The following ZNF664 variants were observed in gnomAD, a reference collection of about 807,000 sequenced individuals.
ZNF664 encodes zinc finger protein 664, also known as zinc finger Organ of Corti 1.
A neutral mutation model predicts 18.2 loss-of-function variants in ZNF664; 10 were observed. The observed-to-expected ratio is 0.55, with a 90% CI of 0.34 to 0.93. The LOEUF (loss-of-function observed/expected upper bound fraction) is 0.93, where lower values mean the gene tolerates loss of function less well. ZNF664 is among the 40% of genes least tolerant of loss of function. ZNF664 has a pLI of 0.02. For synonymous variants in ZNF664, 119 were observed against 104.2 expected, an observed-to-expected ratio of 1.14 and a Z score of -0.86; for missense variants, 193 against 319.0, an observed-to-expected ratio of 0.61 and a Z score of 3.01.
chr12:123,999,542 T>C (rs1276285552), intron 3 of ZNF664, among the ~76,000 whole-genome samples: 1 of 152,246 alleles, frequency 6.6e-6, no homozygotes, highest in African/African-American at 2.4e-5. Context: ...TTCACTTGAC[T>C]TTTATGACAA....
intron 2 of ZNF664, 57 bp downstream of exon 2, chr12:123,974,077 C>T (rs1378928269): frequency 5.2e-5 from 59 of 1,142,288 alleles, no homozygotes; most frequent in Non-Finnish European, 6.3e-5. Context: ...CGCAGGCGTT[C>T]TCACCCCTTC....
At chr12:123,984,398 A>C (rs1333782421) in intron 2 of ZNF664, among the ~76,000 whole-genome samples, 1 of 152,136 alleles carries the variant, frequency 6.6e-6, no homozygotes, top group Non-Finnish European at 1.5e-5. Flanking sequence ...GGATTGAGGC[A>C]TGAGTGGGAA....
intron 2 of ZNF664, 54 bp from the exon 3 acceptor site, chr12:123,987,989 T>A (rs1956844481): frequency 8.1e-7 from 1 of 1,230,748 alleles, no homozygotes. Flanking sequence ...CATTTTGTGA[T>A]CCTAAATTCT....
chr12:124,001,840 G>A (rs1957016373), intron 3 of ZNF664, among the ~76,000 whole-genome samples: 1 of 152,232 alleles, frequency 6.6e-6, no homozygotes, highest in African/African-American at 2.4e-5. Context: ...TAGACACTCA[G>A]TAAACATTTG....
intron 3 of ZNF664, among the ~76,000 whole-genome samples, chr12:123,997,239 C>T (rs180890556): frequency 1.3e-5 from 2 of 152,152 alleles, no homozygotes; most frequent in African/African-American, 2.4e-5. Context: ...ATAAACAATG[C>T]CCCTTGTGTA....
chr12:124,001,556 C>T (rs773408413), intron 3 of ZNF664, among the ~76,000 whole-genome samples: 2 of 152,158 alleles, frequency 1.3e-5, no homozygotes, highest in Admixed American at 6.5e-5. Flanking sequence ...TTCTCTTCAC[C>T]CTGCAGAGGC....
At chr12:124,007,520 T>C (rs573461052) in intron 3 of ZNF664, among the ~76,000 whole-genome samples, 2 of 152,332 alleles carry the variant, frequency 1.3e-5, no homozygotes, top group East Asian at 3.9e-4. Flanking sequence ...TGCCTTTGCC[T>C]GCTGTCCAGA....
At chr12:123,985,034 T>G (rs1374728264) in intron 2 of ZNF664, among the ~76,000 whole-genome samples, 2 of 151,844 alleles carry the variant, frequency 1.3e-5, no homozygotes, top group Non-Finnish European at 2.9e-5. Context: ...CCCCAAGATT[T>G]GACTCTGAGA....
chr12:123,998,328 C>G (rs1411764046), intron 3 of ZNF664: 1 of 152,250 alleles, frequency 6.6e-6, no homozygotes. Flanking sequence ...CTGTAAGTCT[C>G]TGTTGGTCTT....
At chr12:124,009,885 CTTTTT>C (rs11337740) in intron 3 of ZNF664, among the ~76,000 whole-genome samples, 5 of 143,764 alleles carry the variant, frequency 3.5e-5, no homozygotes, top group Admixed American at 7.0e-5. Flanking sequence ...TATTGTGTAC[CTTTTT>C]TTTTTTTTTT....
At position 124,012,247 on chromosome 12, in the gene ZNF664, A is replaced by C; in HGVS notation, c.103A>C (p.Lys35Gln). The C allele has an allele frequency of 6.2e-7, 1 of 1,614,240 alleles. No individual in the cohort carries two copies. The highest frequency in any genetic ancestry group is 1.3e-5 in the African/African-American group (1 of 75,066). Residue 35 changes from lysine to glutamine, a missense_variant, in exon 5 of 5, where the codon AAG becomes CAG. By Grantham distance (53) the Lys-to-Gln change is moderately conservative. This residue lies in a region of ZNF664 where 90 missense variants were observed against 118.9 expected (regional missense o/e 0.76). Transcript: ENST00000337815. ...HTAEKPHKCD[K>Q]CDKGFFHISE... ...AGCTGAGAAGCCCCATAAATGTGAC[A>C]AGTGTGATAAGGGTTTCTTTCATAT...
At chr12:124,006,512 G>T (rs1482692990) in intron 3 of ZNF664, among the ~76,000 whole-genome samples, 1 of 152,184 alleles carries the variant, frequency 6.6e-6, no homozygotes, top group Non-Finnish European at 1.5e-5. Context: ...CTCAGTTTTT[G>T]ACTTCCTTGA....
At chr12:123,989,825 CCTGGCCCTCT>C (rs1350449978) in intron 3 of ZNF664, among the ~76,000 whole-genome samples, 3 of 152,180 alleles carry the variant, frequency 2.0e-5, no homozygotes, top group African/African-American at 7.2e-5. Flanking sequence ...GTGACCATTC[CCTGGCCCTCT>C]CTGAGAGTAT....
At chr12:123,977,570 G>C (rs1194299113) in intron 2 of ZNF664, among the ~76,000 whole-genome samples, 1 of 152,010 alleles carries the variant, frequency 6.6e-6, no homozygotes, top group Non-Finnish European at 1.5e-5. Context: ...TGCACTCTGT[G>C]GAGGAGACCA....
At chr12:124,009,387 C>T (rs905019125) in intron 3 of ZNF664, among the ~76,000 whole-genome samples, 3 of 152,156 alleles carry the variant, frequency 2.0e-5, no homozygotes, top group Non-Finnish European at 2.9e-5. Context: ...TTTCCAGAGT[C>T]ATGTAACAGT....
At chr12:123,974,127 C>A in intron 2 of ZNF664, 107 bp downstream of exon 2, 1 of 811,448 alleles carries the variant, frequency 1.2e-6, no homozygotes, top group Non-Finnish European at 1.7e-6. Flanking sequence ...CCCGGCTTCT[C>A]ATGAACTCCG....
chr12:123,987,009 T>C (rs932509597), intron 2 of ZNF664, among the ~76,000 whole-genome samples: 2 of 152,254 alleles, frequency 1.3e-5, no homozygotes, highest in African/African-American at 4.8e-5. Flanking sequence ...ATTCAGTCTC[T>C]GACAGTGCAG....
rs1957158063 is a variant in ZNF664 at position 124,013,568 on chromosome 12, G to A, written c.*638G>A. On this transcript the variant is annotated 3_prime_UTR_variant, in exon 5 of 5. Transcript: ENST00000337815. ...ACTTAGCCTATCAGAAAAGTCATTG[G>A]CAGACATATATGTCCTTGAACCTTT... 5.9e-6 allele frequency: 1 copy of A among 168,542 alleles called. No homozygotes were observed. The highest frequency in any genetic ancestry group is 1.4e-5 in the Non-Finnish European group (1 of 69,260). The allele number at this position is 168,542 out of a possible 1,614,324, so 10.4% of individuals were successfully genotyped here. A position where few individuals can be genotyped will look rare whatever the true frequency, so the allele number is the denominator to read the frequency against.
chr12:123,991,489 A>C (rs1049383069), intron 3 of ZNF664, among the ~76,000 whole-genome samples: 1 of 152,212 alleles, frequency 6.6e-6, no homozygotes, highest in Non-Finnish European at 1.5e-5. Context: ...CTGTGAAATG[A>C]CATTCTTGGC....
Sources: gnomAD v4.1 joint callset for allele counts (sites outside exome capture counted in the v4.1 genomes callset) on GRCh38, gnomAD v4.1.1 for gene constraint, gnomAD v4.1.1 regional missense constraint, MANE v1.5 for transcripts, NCBI Gene and HGNC (gene_info 2026-07-23, HGNC 2026-07-21) for gene names.